Variants in FRY observed in about 807,000 individuals in gnomAD.
The protein encoded by FRY is protein furry homolog.
FRY carries 128 observed loss-of-function variants against 348.4 expected under a neutral mutation model. The observed-to-expected ratio is 0.37, with a 90% CI of 0.32 to 0.43. FRY has a LOEUF of 0.43. Among genes scored for constraint, FRY ranks in the 20% least tolerant of loss-of-function variants. FRY has a pLI of 1.00. For synonymous variants in FRY, 1,370 were observed against 1,374.7 expected (o/e 1.00, Z 0.08); for missense variants, 2,736 against 3,695.2 (o/e 0.74, Z 6.73).
chr13:32,068,720 G>A (rs550494472), intron 1 of FRY, among the ~76,000 whole-genome samples: 6 of 152,186 alleles, frequency 3.9e-5, no homozygotes, highest in Non-Finnish European at 7.4e-5. Flanking sequence ...GACAAAAATG[G>A]TTTTGAGAGA....
intron 7 of FRY, among the ~76,000 whole-genome samples, chr13:32,125,419 T>C (rs2138728732): frequency 6.6e-6 from 1 of 152,306 alleles, no homozygotes. Flanking sequence ...TTAGCAACAA[T>C]ATACCTCTTC....
At chr13:32,267,122 G>C (rs561103203) in intron 54 of FRY, 48 bp from the exon 55 acceptor site, 1 of 1,523,532 alleles carries the variant, frequency 6.6e-7, no homozygotes, top group East Asian at 2.2e-5. Context: ...CCCAGTATAG[G>C]ATGAGAAGGA....
chr13:32,080,447 C>T (rs1875402581), intron 2 of FRY, among the ~76,000 whole-genome samples: 1 of 152,316 alleles, frequency 6.6e-6, no homozygotes, highest in East Asian at 1.9e-4. Context: ...TAAGTAAATA[C>T]TCAAGGTCAC....
intron 2 of FRY, among the ~76,000 whole-genome samples, chr13:32,101,168 A>T (rs1038661437): frequency 5.9e-5 from 9 of 152,082 alleles, no homozygotes; most frequent in African/African-American, 2.2e-4. Flanking sequence ...CTCTGCTTCC[A>T]TGAATTTGAC....
chr13:32,159,401 T>C (rs1347984324), intron 16 of FRY, among the ~76,000 whole-genome samples: 2 of 152,226 alleles, frequency 1.3e-5, no homozygotes, highest in Non-Finnish European at 2.9e-5. Context: ...AACTTGAACA[T>C]TGAACATTCT....
At chr13:32,046,759 AGAAGCCAT>A (rs1454321344) in intron 1 of FRY, among the ~76,000 whole-genome samples, 1 of 152,226 alleles carries the variant, frequency 6.6e-6, no homozygotes, top group Non-Finnish European at 1.5e-5. Context: ...CTCTACACGG[AGAAGCCAT>A]GATGTTTTAC....
intron 26 of FRY, 66 bp downstream of exon 26, chr13:32,185,214 G>A (rs2138264144): frequency 1.4e-6 from 2 of 1,439,606 alleles, no homozygotes; most frequent in South Asian, 1.1e-5. Flanking sequence ...CTTTATTACG[G>A]TGCTTTCGTC....
At chr13:32,226,080 C>T in intron 39 of FRY, 106 bp downstream of exon 39, 1 of 874,702 alleles carries the variant, frequency 1.1e-6, no homozygotes, top group Middle Eastern at 2.5e-4. Flanking sequence ...GCTATGACCT[C>T]CAACTTTCCA....
intron 15 of FRY, among the ~76,000 whole-genome samples, chr13:32,156,714 C>T (rs74591685): frequency 1.3e-5 from 2 of 151,630 alleles, no homozygotes; most frequent in African/African-American, 4.8e-5. Context: ...TTGTATAATT[C>T]GTATACACAT....
chr13:32,046,537 T>G (rs1248090334), intron 1 of FRY, among the ~76,000 whole-genome samples: 2 of 152,250 alleles, frequency 1.3e-5, no homozygotes, highest in Admixed American at 1.3e-4. Context: ...TTGTGTTAAC[T>G]TGCTTTTATT....
intron 47 of FRY, among the ~76,000 whole-genome samples, chr13:32,245,491 A>G (rs966372520): frequency 5.3e-5 from 8 of 151,990 alleles, no homozygotes; most frequent in Non-Finnish European, 1.2e-4. Context: ...GTGCACACCT[A>G]TAGTCCCAGC....
intron 11 of FRY, among the ~76,000 whole-genome samples, chr13:32,146,965 G>A (rs1880497786): frequency 6.6e-6 from 1 of 152,166 alleles, no homozygotes; most frequent in Non-Finnish European, 1.5e-5. Context: ...TCTCATATTG[G>A]TGCTAAAGAA....
At chr13:32,173,346 G>A in intron 18 of FRY, 21 bp from the exon 19 acceptor site, 1 of 1,595,356 alleles carries the variant, frequency 6.3e-7, no homozygotes, top group Admixed American at 1.7e-5. Flanking sequence ...AATACAGAAT[G>A]TTGTTCTTAT....
chr13:32,186,514 T>C (rs1883038227), intron 27 of FRY, 94 bp downstream of exon 27: 1 of 826,672 alleles, frequency 1.2e-6, no homozygotes, highest in African/African-American at 1.7e-5. Context: ...TTAAAATAAA[T>C]AATACAATAT....
At chr13:32,256,464 G>T (rs1178937488) in intron 51 of FRY, among the ~76,000 whole-genome samples, 1 of 151,962 alleles carries the variant, frequency 6.6e-6, no homozygotes, top group African/African-American at 2.4e-5. Context: ...AAGCCCAGGA[G>T]GTCAAGGCTG....
At chr13:32,192,292 A>T (rs940438425) in intron 28 of FRY, among the ~76,000 whole-genome samples, 11 of 151,346 alleles carry the variant, frequency 7.3e-5, no homozygotes, top group African/African-American at 2.7e-4. Context: ...TTGTTTGTTT[A>T]TTTGTTTTGT....
At chr13:32,076,627 A>C (rs1209755794) in intron 1 of FRY, among the ~76,000 whole-genome samples, 1 of 152,206 alleles carries the variant, frequency 6.6e-6, no homozygotes, top group Non-Finnish European at 1.5e-5. Context: ...AAAGACTCTG[A>C]CATATTGCAT....
At chr13:32,081,238 A>G (rs1427647303) in intron 2 of FRY, among the ~76,000 whole-genome samples, 1 of 152,236 alleles carries the variant, frequency 6.6e-6, no homozygotes, top group Non-Finnish European at 1.5e-5. Context: ...TTATGTGCTT[A>G]GAGTGAGGGA....
At chr13:32,145,703 C>A (rs1474229142) in intron 11 of FRY, among the ~76,000 whole-genome samples, 1 of 151,132 alleles carries the variant, frequency 6.6e-6, no homozygotes. Context: ...CGCCACCGCG[C>A]CCGGCTAATT....
Sources: allele counts gnomAD v4.1 joint callset (sites outside exome capture counted in the v4.1 genomes callset), GRCh38; gene constraint gnomAD v4.1.1; transcripts MANE v1.5; gene names NCBI Gene and HGNC (gene_info 2026-07-23, HGNC 2026-07-21).